Variants in DPP6 observed in about 807,000 individuals in gnomAD.
The protein encoded by DPP6 is A-type potassium channel modulatory protein DPP6.
DPP6 carries 69 observed loss-of-function variants against 122.6 expected under a neutral mutation model. The observed-to-expected ratio is 0.56, with a 90% CI of 0.46 to 0.69. The LOEUF (loss-of-function observed/expected upper bound fraction) is 0.69, where lower values mean the gene tolerates loss of function less well. Ranked by LOEUF, DPP6 falls within the 30% of genes least tolerant of loss-of-function variation. The pLI is 0.00. For missense variants in DPP6, 928 were observed against 1,116.9 expected, an observed-to-expected ratio of 0.83 and a Z score of 2.41; for synonymous variants, 418 against 433.1, an observed-to-expected ratio of 0.97 and a Z score of 0.43.
chr7:154,336,244 T>C (rs893922950), intron 1 of DPP6, among the ~76,000 whole-genome samples: 3 of 152,124 alleles, frequency 2.0e-5, no homozygotes, highest in Non-Finnish European at 2.9e-5. Context: ...GTCTCAGTGA[T>C]CTGTGACCCA....
intron 1 of DPP6, among the ~76,000 whole-genome samples, chr7:154,380,269 A>G (rs1813477627): frequency 6.6e-6 from 1 of 152,254 alleles, no homozygotes. Flanking sequence ...GAAGGTCCAC[A>G]TTGGGAAACA....
chr7:154,874,842 T>C (rs1804714288), intron 19 of DPP6, among the ~76,000 whole-genome samples: 1 of 152,194 alleles, frequency 6.6e-6, no homozygotes, highest in Admixed American at 6.5e-5. Context: ...CACCCATAAG[T>C]ATGCTGGTCA....
At chr7:154,432,930 A>C (rs1818547776) in intron 1 of DPP6, among the ~76,000 whole-genome samples, 1 of 152,158 alleles carries the variant, frequency 6.6e-6, no homozygotes, top group Non-Finnish European at 1.5e-5. Flanking sequence ...TAAGACAGCC[A>C]ATCAGAATCT....
At chr7:154,647,915 G>C (rs117382658) in intron 6 of DPP6, among the ~76,000 whole-genome samples, 1 of 152,068 alleles carries the variant, frequency 6.6e-6, no homozygotes, top group Non-Finnish European at 1.5e-5. Flanking sequence ...GGCCAAGCCT[G>C]GTTCATGTGT....
intron 1 of DPP6, among the ~76,000 whole-genome samples, chr7:154,294,830 C>T (rs1805431555): frequency 1.3e-5 from 2 of 152,272 alleles, no homozygotes; most frequent in East Asian, 1.9e-4. Flanking sequence ...GGTGTGTGTT[C>T]CCCCGACAAT....
intron 1 of DPP6, among the ~76,000 whole-genome samples, chr7:154,267,869 GTA>G (rs1286801758): frequency 8.5e-6 from 1 of 118,108 alleles, no homozygotes; most frequent in Non-Finnish European, 1.7e-5. Flanking sequence ...ATATGTGTGT[GTA>G]TATATTTATC....
intron 1 of DPP6, among the ~76,000 whole-genome samples, chr7:154,259,694 C>A (rs1185619602): frequency 6.6e-6 from 1 of 152,170 alleles, no homozygotes; most frequent in Admixed American, 6.5e-5. Flanking sequence ...AAGTCTGTAG[C>A]ACAGACTGAG....
intron 1 of DPP6, among the ~76,000 whole-genome samples, chr7:154,018,599 A>G (rs1198561479): frequency 2.0e-5 from 3 of 152,272 alleles, no homozygotes; most frequent in African/African-American, 4.8e-5. Flanking sequence ...AGTGGTTGCC[A>G]TGACATTACA....
At position 154,801,424 on chromosome 7, in the gene DPP6, C is replaced by G. The variant is rs369233708; in HGVS notation, c.1369C>G (p.Arg457Gly). 2 of 1,593,898 alleles carry G rather than the reference C, an allele frequency of 1.3e-6. No individual in the cohort carries two copies. Among genetic ancestry groups the G allele is most frequent in the Admixed American group, 3.5e-5 (2 of 57,708 alleles). ...CATCAGAGCCATCCCCCAGGGAGGA[C>G]GAGGGAAATTCTATCACATCACGGT... ...FFIRAIPQGG[R>G]GKFYHITVSS... Residue 457 changes from arginine (R) to glycine (G), a missense_variant, in exon 13 of 26, where the codon CGA becomes GGA. Transcript: ENST00000377770.
chr7:154,154,327 G>A (rs1796576387), intron 1 of DPP6, among the ~76,000 whole-genome samples: 2 of 152,206 alleles, frequency 1.3e-5, no homozygotes, highest in South Asian at 2.1e-4. Context: ...GTTACTGATG[G>A]GTGCTAACCT....
At chr7:154,184,706 C>T (rs1393207754) in intron 1 of DPP6, among the ~76,000 whole-genome samples, 1 of 151,924 alleles carries the variant, frequency 6.6e-6, no homozygotes, top group Non-Finnish European at 1.5e-5. Flanking sequence ...AGTAGCTGAC[C>T]TGCAGTCTGA....
intron 5 of DPP6, among the ~76,000 whole-genome samples, chr7:154,576,678 C>A (rs1831697198): frequency 6.6e-6 from 1 of 152,092 alleles, no homozygotes; most frequent in Non-Finnish European, 1.5e-5. Flanking sequence ...TCTCAGCAGG[C>A]CGGGCACAGC....
intron 1 of DPP6, among the ~76,000 whole-genome samples, chr7:154,001,110 A>G (rs1797669111): frequency 2.0e-5 from 3 of 151,864 alleles, no homozygotes; most frequent in Admixed American, 2.0e-4. Flanking sequence ...CCTGCAGATC[A>G]GCCCAGCAGT....
intron 1 of DPP6, among the ~76,000 whole-genome samples, chr7:154,019,498 T>C (rs968250858): frequency 1.3e-5 from 2 of 151,622 alleles, no homozygotes; most frequent in African/African-American, 4.8e-5. Context: ...CCTCTCCCTT[T>C]CTTTCTTTTC....
chr7:154,262,692 A>G (rs1376770873), intron 1 of DPP6, among the ~76,000 whole-genome samples: 1 of 150,936 alleles, frequency 6.6e-6, no homozygotes, highest in Non-Finnish European at 1.5e-5. Context: ...CTCTAGGTTA[A>G]GCTTACATAA....
At chr7:154,882,165 CAGAG>C (rs751709641) in intron 21 of DPP6, among the ~76,000 whole-genome samples, 78 of 152,180 alleles carry the variant, frequency 5.1e-4, no homozygotes, top group Non-Finnish European at 7.3e-4. Flanking sequence ...CTTCTGGACA[CAGAG>C]AGGCTTTCTC....
At chr7:154,296,093 T>A (rs1805525307) in intron 1 of DPP6, among the ~76,000 whole-genome samples, 1 of 150,580 alleles carries the variant, frequency 6.6e-6, no homozygotes, top group South Asian at 2.1e-4. Context: ...TACAGGCACC[T>A]GCCACCATGC....
At chr7:153,931,915 C>T (rs1419088399) in intron 1 of DPP6, among the ~76,000 whole-genome samples, 2 of 152,198 alleles carry the variant, frequency 1.3e-5, no homozygotes, top group Non-Finnish European at 2.9e-5. Flanking sequence ...AATCTTCGTG[C>T]ACCGGCTAAT....
At chr7:153,750,257 G>A in the DPP6 span, among the ~76,000 whole-genome samples, 3 of 152,116 alleles carry the variant, frequency 2.0e-5, no homozygotes, top group East Asian at 5.8e-4. Flanking sequence ...ATTTGAATCA[G>A]CAAGTCATTT....
Sources: allele counts gnomAD v4.1 joint callset (sites outside exome capture counted in the v4.1 genomes callset), GRCh38; gene constraint gnomAD v4.1.1; transcripts MANE v1.5; gene names NCBI Gene and HGNC (gene_info 2026-07-23, HGNC 2026-07-21).